STAG1: variants seen among roughly 807,000 people sequenced by gnomAD.
STAG1 encodes the protein STAG1 cohesin complex component.
In STAG1, 26 loss-of-function variants were observed where a neutral mutation model predicts 170.9. The observed-to-expected ratio is 0.15, with a 90% CI of 0.11 to 0.21. STAG1 has a LOEUF of 0.21. Among genes scored for constraint, STAG1 ranks in the 10% least tolerant of loss-of-function variants. STAG1 has a pLI of 1.00. For synonymous variants in STAG1, 514 were observed against 497.7 expected (o/e 1.03, Z -0.44); for missense variants, 964 against 1,509.5 (o/e 0.64, Z 5.99).
At chr3:136,734,718 T>C (rs541950262) in intron 1 of STAG1, among the ~76,000 whole-genome samples, 25 of 152,310 alleles carry the variant, frequency 1.6e-4, no homozygotes, top group Non-Finnish European at 3.4e-4. Flanking sequence ...GTTTTTTGTT[T>C]TGTTTTTAAT....
At chr3:136,696,102 T>C (rs1211659290) in intron 1 of STAG1, among the ~76,000 whole-genome samples, 1 of 152,200 alleles carries the variant, frequency 6.6e-6, no homozygotes, top group African/African-American at 2.4e-5. Context: ...AAGAGAAATG[T>C]TGCATTAATT....
At chr3:136,716,600 G>A (rs1943547763) in intron 1 of STAG1, among the ~76,000 whole-genome samples, 1 of 152,248 alleles carries the variant, frequency 6.6e-6, no homozygotes, top group South Asian at 2.1e-4. Flanking sequence ...GAGCCATGAT[G>A]GCACCAATGC....
At chr3:136,669,538 T>C (rs1421490431) in intron 1 of STAG1, among the ~76,000 whole-genome samples, 1 of 151,874 alleles carries the variant, frequency 6.6e-6, no homozygotes, top group East Asian at 1.9e-4. Flanking sequence ...ATTTTTATTT[T>C]TGTAGAGATA....
At chr3:136,547,350 C>T (rs1430014370) in intron 5 of STAG1, among the ~76,000 whole-genome samples, 1 of 152,144 alleles carries the variant, frequency 6.6e-6, no homozygotes, top group Non-Finnish European at 1.5e-5. Flanking sequence ...CATTTTTGTT[C>T]CAGAATACCA....
At chr3:136,516,668 G>A (rs1934395277) in intron 7 of STAG1, among the ~76,000 whole-genome samples, 1 of 152,050 alleles carries the variant, frequency 6.6e-6, no homozygotes, top group Admixed American at 6.6e-5. Flanking sequence ...AATAAATTCT[G>A]AGTAAAACCA....
chr3:136,519,108 A>G (rs769864195), intron 7 of STAG1, among the ~76,000 whole-genome samples: 1 of 152,164 alleles, frequency 6.6e-6, no homozygotes, highest in East Asian at 1.9e-4. Context: ...TACTGCATTT[A>G]CATGGCAGTG....
At chr3:136,470,532 T>C (rs1421000015) in intron 12 of STAG1, among the ~76,000 whole-genome samples, 2 of 152,222 alleles carry the variant, frequency 1.3e-5, no homozygotes, top group Non-Finnish European at 1.5e-5. Flanking sequence ...TTTTACACTG[T>C]TGGTAGGACT....
At chr3:136,415,182 T>C (rs1337394204) in intron 21 of STAG1, among the ~76,000 whole-genome samples, 3 of 152,178 alleles carry the variant, frequency 2.0e-5, no homozygotes, top group South Asian at 4.2e-4. Flanking sequence ...CCTTGCTTGA[T>C]GCAGGGTTGC....
chr3:136,541,582 A>ACACACACACACACACACACC (rs1283802944), intron 6 of STAG1, among the ~76,000 whole-genome samples: 1 of 150,066 alleles, frequency 6.7e-6, no homozygotes, highest in Non-Finnish European at 1.5e-5. Context: ...ACACACACAC[A>ACACACACACACACACACACC]CACCAGGGGT....
intron 24 of STAG1, among the ~76,000 whole-genome samples, chr3:136,367,829 T>A (rs192251329): frequency 6.3e-4 from 96 of 152,244 alleles, no homozygotes; most frequent in African/African-American, 2.3e-3. Context: ...TCAAAACAAG[T>A]GTGTTTCTTC....
chr3:136,612,096 C>T (rs951164959), intron 3 of STAG1, among the ~76,000 whole-genome samples: 2 of 152,100 alleles, frequency 1.3e-5, no homozygotes, highest in East Asian at 3.9e-4. Context: ...ATCTGCCCGC[C>T]TCGGCCTCCC....
intron 9 of STAG1, among the ~76,000 whole-genome samples, chr3:136,479,550 G>A (rs1287963841): frequency 1.6e-5 from 1 of 63,808 alleles, no homozygotes; most frequent in Non-Finnish European, 3.5e-5. Flanking sequence ...GTGTGCATGT[G>A]TCTTTATAGC....
At chr3:136,602,381 C>CAAAAAA (rs397819185) in intron 4 of STAG1, among the ~76,000 whole-genome samples, 3 of 81,730 alleles carry the variant, frequency 3.7e-5, no homozygotes, top group Admixed American at 1.4e-4. Context: ...CCATCTCAAA[C>CAAAAAA]AAAAAAAAAA....
At chr3:136,538,289 C>T (rs1165141857) in intron 6 of STAG1, among the ~76,000 whole-genome samples, 1 of 152,120 alleles carries the variant, frequency 6.6e-6, no homozygotes, top group Non-Finnish European at 1.5e-5. Flanking sequence ...CAAGGGTATA[C>T]ACTCAGTCTT....
chr3:136,367,132 A>T (rs751621636), intron 24 of STAG1, 50 bp from the exon 25 acceptor site: 1 of 1,414,658 alleles, frequency 7.1e-7, no homozygotes, highest in East Asian at 2.3e-5. Flanking sequence ...TTATCCACGT[A>T]AAACAATGCA....
At position 136,336,641 on chromosome 3, in the gene STAG1, T is replaced by TC. The variant is rs1303756244; in HGVS notation, c.*1612dup. The TC allele has an allele frequency of 6.6e-6, 1 of 150,994 alleles. No individual in the cohort carries two copies. Among genetic ancestry groups the TC allele is most frequent in the Non-Finnish European group, 1.5e-5 (1 of 67,504 alleles). 9.4% of individuals were successfully genotyped at this position (150,994 alleles called of 1,614,324 possible). Reference sequence around the variant, plus strand: ...TTCTGGGAGAAAGTGAGGCCCCAGCTCCCCTAACTGGAGCCCAAGAATTGC... The same window carrying TC: ...TTCTGGGAGAAAGTGAGGCCCCAGCTCCCCCTAACTGGAGCCCAAGAATTGC... On this transcript the variant is annotated 3_prime_UTR_variant, in exon 34 of 34. Coordinates refer to ENST00000383202, the MANE Select transcript of STAG1 (RefSeq NM_005862.3).
chr3:136,642,691 T>C (rs905766313), intron 1 of STAG1, among the ~76,000 whole-genome samples: 1 of 152,218 alleles, frequency 6.6e-6, no homozygotes, highest in African/African-American at 2.4e-5. Flanking sequence ...GGCTCTTCCC[T>C]TGTATTAGTT....
chr3:136,528,827 G>A (rs572379767), intron 6 of STAG1, among the ~76,000 whole-genome samples: 74 of 152,052 alleles, frequency 4.9e-4, no homozygotes, highest in Non-Finnish European at 3.2e-4. Context: ...CTATTTGGGA[G>A]GCTGAAGTGG....
chr3:136,720,053 G>C (rs1384760690), intron 1 of STAG1, among the ~76,000 whole-genome samples: 4 of 151,776 alleles, frequency 2.6e-5, no homozygotes, highest in African/African-American at 7.3e-5. Flanking sequence ...GTGCATACTT[G>C]TAATCCCAGC....
Sources: allele counts gnomAD v4.1 joint callset (sites outside exome capture counted in the v4.1 genomes callset), GRCh38; gene constraint gnomAD v4.1.1; transcripts MANE v1.5; gene names NCBI Gene and HGNC (gene_info 2026-07-23, HGNC 2026-07-21).